SBF2: variants seen among roughly 807,000 people sequenced by gnomAD.
SBF2 encodes the protein myotubularin-related protein 13.
In SBF2, 112 loss-of-function variants were observed where a neutral mutation model predicts 225.2. The observed-to-expected ratio is 0.50, with a 90% CI of 0.43 to 0.58. The LOEUF is 0.58. Among genes scored for constraint, SBF2 ranks in the 20% least tolerant of loss-of-function variants. The pLI is 0.00. For synonymous variants in SBF2, 763 were observed against 773.3 expected, an observed-to-expected ratio of 0.99 and a Z score of 0.22; for missense variants, 1,996 against 2,206.2, an observed-to-expected ratio of 0.90 and a Z score of 1.91.
chr11:9,883,121 G>A (rs541442364), intron 17 of SBF2, among the ~76,000 whole-genome samples: 20 of 152,126 alleles, frequency 1.3e-4, no homozygotes, highest in Non-Finnish European at 2.2e-4. Flanking sequence ...GCGACAGAGC[G>A]AGACTCTGTC....
intron 1 of SBF2, among the ~76,000 whole-genome samples, chr11:10,302,188 G>T (rs1231555584): frequency 6.6e-6 from 1 of 152,170 alleles, no homozygotes; most frequent in African/African-American, 2.4e-5. Context: ...AACCAGAAAT[G>T]CATTCTAGTG....
In SBF2 at chr11:9,790,330, C is replaced by G. The variant is rs1852660593; in HGVS notation, c.4698+226G>C. Among the ~76,000 whole-genome samples, 8 of 152,170 alleles carry G rather than the reference C, an allele frequency of 5.3e-5. No individual in the cohort carries two copies. The South Asian group carries it at 1.7e-3, about 31-fold the overall frequency. On this transcript the variant is annotated intron_variant, in intron 34 of 39. Coordinates refer to ENST00000256190, the MANE Select transcript of SBF2 (RefSeq NM_030962.4). ...TTTGATTCTCTGCAAGTTTTCCCTTCTAGGTTTTGAGAGCCAGCTCCTAAT... is the reference window on the plus strand; with the variant it reads ...TTTGATTCTCTGCAAGTTTTCCCTTGTAGGTTTTGAGAGCCAGCTCCTAAT...
intron 18 of SBF2, among the ~76,000 whole-genome samples, 197 bp downstream of exon 18, chr11:9,858,029 A>G (rs1857444556): frequency 6.6e-6 from 1 of 152,194 alleles, no homozygotes; most frequent in South Asian, 2.1e-4. Context: ...CTAGTGCTGA[A>G]GAACTGTATT....
chr11:9,825,022 G>A (rs1854987019), intron 28 of SBF2, among the ~76,000 whole-genome samples: 1 of 152,088 alleles, frequency 6.6e-6, no homozygotes, highest in Admixed American at 6.5e-5. Context: ...TAAAATAATA[G>A]TACTCTAAAA....
At chr11:10,274,097 A>G (rs1455049834) in intron 1 of SBF2, among the ~76,000 whole-genome samples, 1 of 152,228 alleles carries the variant, frequency 6.6e-6, no homozygotes, top group Non-Finnish European at 1.5e-5. Flanking sequence ...GCCTCAGCAA[A>G]TAAAAGTATG....
intron 8 of SBF2, 88 bp downstream of exon 8, chr11:10,000,826 T>C (rs1947923948): frequency 9.6e-6 from 7 of 727,880 alleles, no homozygotes; most frequent in South Asian, 3.1e-5. Flanking sequence ...GATCTGAAAA[T>C]AGTGATGAGT....
rs150503928 is a variant in SBF2 at position 10,167,820 on chromosome 11, C to T, written c.141+26082G>A. ...ATCACCTGAGGTCAGGAGTTCAAGA[C>T]CAGCCTGACCAACATGGTGAAACCC... On this transcript the variant is annotated intron_variant, in intron 2 of 39. Coordinates refer to ENST00000256190, the MANE Select transcript of SBF2 (RefSeq NM_030962.4). Among the ~76,000 whole-genome samples the T allele has an allele frequency of 1.8e-3, 281 of 152,204 alleles. 1 individual carries two copies. The highest frequency in any genetic ancestry group is 6.1e-3 in the African/African-American group (254 of 41,528).
At chr11:9,812,369 G>A (rs1201026404) in intron 30 of SBF2, among the ~76,000 whole-genome samples, 163 bp downstream of exon 30, 1 of 152,164 alleles carries the variant, frequency 6.6e-6, no homozygotes, top group African/African-American at 2.4e-5. Context: ...TATACCAGAT[G>A]ATTTCCTTAG....
intron 17 of SBF2, among the ~76,000 whole-genome samples, chr11:9,882,179 A>T (rs964442378): frequency 6.6e-6 from 1 of 152,224 alleles, no homozygotes; most frequent in African/African-American, 2.4e-5. Flanking sequence ...AAATGCAAGC[A>T]GTCACCAGAC....
At chr11:10,289,735 T>C (rs1003653297) in intron 1 of SBF2, among the ~76,000 whole-genome samples, 6 of 152,160 alleles carry the variant, frequency 3.9e-5, no homozygotes, top group African/African-American at 1.4e-4. Flanking sequence ...GTGACCACGC[T>C]GCTGGCTGGG....
chr11:10,230,270 C>G (rs1370056734), intron 1 of SBF2, among the ~76,000 whole-genome samples: 1 of 152,164 alleles, frequency 6.6e-6, no homozygotes, highest in East Asian at 1.9e-4. Context: ...ATCCAATTTG[C>G]CAGTCTGTGT....
intron 2 of SBF2, among the ~76,000 whole-genome samples, chr11:10,177,295 C>T (rs1327768406): frequency 1.3e-5 from 2 of 148,672 alleles, no homozygotes; most frequent in Non-Finnish European, 3.0e-5. Flanking sequence ...ACAGGGATGC[C>T]CTCTCTCACC....
chr11:9,993,191 C>G (rs1225485118), intron 10 of SBF2, 88 bp from the exon 11 acceptor site: 16 of 927,926 alleles, frequency 1.7e-5, no homozygotes, highest in Admixed American at 7.4e-5. Flanking sequence ...GGCATATATT[C>G]CAAGTCCTTT....
intron 26 of SBF2, chr11:9,839,128 C>T (rs919408562): frequency 9.7e-6 from 3 of 308,778 alleles, no homozygotes; most frequent in African/African-American, 6.5e-5. Flanking sequence ...ACCAACTGAC[C>T]CTTTATAGAA....
At chr11:9,808,235 C>G in intron 31 of SBF2, 50 bp from the exon 32 acceptor site, 2 of 1,508,260 alleles carry the variant, frequency 1.3e-6, no homozygotes, top group South Asian at 2.3e-5. Context: ...CTGAAAAAGG[C>G]CTATTACTAA....
intron 2 of SBF2, among the ~76,000 whole-genome samples, chr11:10,129,293 G>A (rs560032623): frequency 9.8e-4 from 148 of 151,738 alleles, no homozygotes; most frequent in Admixed American, 2.3e-3. Context: ...TAGCAGAGTC[G>A]GGGTTTCGTC....
At chr11:9,941,596 G>C (rs997741381) in intron 16 of SBF2, among the ~76,000 whole-genome samples, 1 of 152,114 alleles carries the variant, frequency 6.6e-6, no homozygotes, top group Non-Finnish European at 1.5e-5. Context: ...TGTACAAAAA[G>C]CATTTCATAA....
intron 2 of SBF2, among the ~76,000 whole-genome samples, chr11:10,162,892 T>G (rs1955812713): frequency 6.6e-6 from 1 of 152,216 alleles, no homozygotes. Flanking sequence ...TTCCTCAGAC[T>G]GTCCCTTTCA....
chr11:9,828,972 A>G (rs1046984707), intron 28 of SBF2, among the ~76,000 whole-genome samples: 1 of 152,038 alleles, frequency 6.6e-6, no homozygotes, highest in African/African-American at 2.4e-5. Context: ...TTCCTCTCCA[A>G]TTACTCTTTT....
Sources: allele counts gnomAD v4.1 joint callset (sites outside exome capture counted in the v4.1 genomes callset), GRCh38; gene constraint gnomAD v4.1.1; transcripts MANE v1.5; gene names NCBI Gene and HGNC (gene_info 2026-07-23, HGNC 2026-07-21).